The following AGO2 variants were observed in gnomAD, a reference collection of about 807,000 sequenced individuals.
The protein encoded by AGO2 is protein argonaute-2.
AGO2 carries 5 observed loss-of-function variants against 102.3 expected under a neutral mutation model. The observed-to-expected ratio is 0.05, with a 90% CI of 0.03 to 0.10. AGO2 has a LOEUF of 0.10. Among genes scored for constraint, AGO2 ranks in the 10% least tolerant of loss-of-function variants. The pLI is 1.00. For synonymous variants in AGO2, 449 were observed against 473.1 expected (o/e 0.95, Z 0.66); for missense variants, 541 against 1,183.7 (o/e 0.46, Z 7.97).
intron 17 of AGO2, among the ~76,000 whole-genome samples, chr8:140,534,060 C>T (rs993911157): frequency 5.9e-5 from 9 of 152,352 alleles, no homozygotes; most frequent in South Asian, 2.1e-4. Flanking sequence ...TGCTCTGTGT[C>T]TAGCCCTGTG....
At chr8:140,621,871 C>T (rs2074221904) in intron 1 of AGO2, among the ~76,000 whole-genome samples, 1 of 152,164 alleles carries the variant, frequency 6.6e-6, no homozygotes, top group African/African-American at 2.4e-5. Flanking sequence ...CACTGTACAA[C>T]AGCTAAGTGG....
At chr8:140,610,191 G>A (rs1047822044) in intron 1 of AGO2, among the ~76,000 whole-genome samples, 1 of 151,940 alleles carries the variant, frequency 6.6e-6, no homozygotes, top group Admixed American at 6.6e-5. Flanking sequence ...GTGACAGAGC[G>A]AGATCCTGTC....
chr8:140,627,611 G>T (rs758921892), intron 1 of AGO2, among the ~76,000 whole-genome samples: 1 of 152,190 alleles, frequency 6.6e-6, no homozygotes, highest in Non-Finnish European at 1.5e-5. Context: ...GGGCTCCTGA[G>T]TCTGGCTGTT....
intron 16 of AGO2, among the ~76,000 whole-genome samples, chr8:140,538,508 C>T (rs1210012586): frequency 6.6e-6 from 1 of 152,236 alleles, no homozygotes; most frequent in East Asian, 1.9e-4. Flanking sequence ...GTGGAGAATT[C>T]TCAGCTCTTC....
At position 140,629,987 on chromosome 8, in the gene AGO2, G is replaced by T. The variant is rs565935442; in HGVS notation, c.22+5498C>A. 1.6e-3 allele frequency among the ~76,000 whole-genome samples: 240 copies of T among 152,058 alleles called. 3 individuals are homozygous for T. Among genetic ancestry groups the T allele is most frequent in the African/African-American group, 5.5e-3 (228 of 41,474 alleles). ...GTTCCTGATCCAACCCACACAGCCC[G>T]GTTCCTGGCAGACCCAGGGAGGCCT... On this transcript the variant is annotated intron_variant, in intron 1 of 18. Coordinates refer to ENST00000220592, the MANE Select transcript of AGO2 (RefSeq NM_012154.5).
intron 13 of AGO2, among the ~76,000 whole-genome samples, chr8:140,547,012 G>A (rs1260887426): frequency 6.6e-6 from 1 of 152,188 alleles, no homozygotes; most frequent in Non-Finnish European, 1.5e-5. Flanking sequence ...ATCCTGTCCT[G>A]GCCTGGGAGC....
intron 1 of AGO2, among the ~76,000 whole-genome samples, chr8:140,588,888 T>G (rs1416274103): frequency 1.3e-5 from 2 of 152,260 alleles, no homozygotes; most frequent in Non-Finnish European, 2.9e-5. Context: ...CGTGCCGTGT[T>G]CACTGAATCG....
Position 140,547,553 on chromosome 8 carries a change from T to G in AGO2, c.1663A>C (p.Thr555Pro), listed in dbSNP as rs2132898626. 6.2e-7 allele frequency: 1 copy of G among 1,614,160 alleles called. No homozygotes were observed. Among genetic ancestry groups the G allele is most frequent in the Non-Finnish European group, 8.5e-7 (1 of 1,180,006 alleles). ...QCVQMKNVQR[T>P]TPQTLSNLCL... ...AGGTTGGACAGGGTCTGTGGCGTGG[T>G]CCTCTGCACGTTCTTCATCTGCACG... is the stretch of plus-strand genomic sequence containing the variant. Residue 555 changes from threonine (T) to proline (P), a missense_variant, in exon 13 of 19, where the codon ACC becomes CCC. Transcript: ENST00000220592.
At chr8:140,638,030 G>C (rs2074421598), upstream of AGO2, 1 of 152,230 alleles carries the variant, frequency 6.6e-6, no homozygotes, top group Non-Finnish European at 1.5e-5. Flanking sequence ...CTGTGTTTTA[G>C]GATCCTGATG....
intron 1 of AGO2, among the ~76,000 whole-genome samples, chr8:140,630,121 G>A (rs2074324338): frequency 6.6e-6 from 1 of 152,174 alleles, no homozygotes; most frequent in Non-Finnish European, 1.5e-5. Context: ...ACGCCCATCA[G>A]ATTTTCTGAG....
chr8:140,641,723 G>A, the AGO2 span, among the ~76,000 whole-genome samples: 1 of 152,192 alleles, frequency 6.6e-6, no homozygotes, highest in East Asian at 1.9e-4. Context: ...AGCTGGGATT[G>A]CAGGCGTGCA....
At position 140,528,386 on chromosome 8, in the gene AGO2, C is replaced by G. The variant is rs990816742; in HGVS notation, c.*3658G>C. On this transcript the variant is annotated 3_prime_UTR_variant, in exon 19 of 19. Transcript: ENST00000220592. The surrounding 1 kb of genome is among the most constrained non-coding windows in gnomAD (Gnocchi z 4.5). The stretch of plus-strand genomic sequence containing the variant: ...TAACAAATAACAACAACAATAAAAC[C>G]CCCCACCTACTAACCCCACTACAGG... The G allele has an allele frequency of 6.6e-6, 1 of 151,968 alleles. No homozygotes were observed. 9.4% of individuals were successfully genotyped at this position (151,968 alleles called of 1,614,324 possible). A position where few individuals can be genotyped will look rare whatever the true frequency, so the allele number is the denominator to read the frequency against.
chr8:140,558,578 G>A lies in AGO2; in HGVS notation c.791-6C>T, dbSNP rs1195238686. 6.2e-7 allele frequency: 1 copy of A among 1,613,892 alleles called. No individual in the cohort carries two copies. The highest frequency in any genetic ancestry group is 8.5e-7 in the Non-Finnish European group (1 of 1,179,884). ...CGTTATCTCCACCTTTAGACCTGGG[G>A]ACACAGAACACAGGCATCGGCATCG... is the stretch of plus-strand genomic sequence containing the variant. On this transcript the variant is annotated splice_polypyrimidine_tract_variant and splice_region_variant and intron_variant, in intron 6 of 18. Transcript: ENST00000220592.
At chr8:140,587,888 C>A (rs906773609) in intron 1 of AGO2, among the ~76,000 whole-genome samples, 5 of 152,230 alleles carry the variant, frequency 3.3e-5, no homozygotes, top group Non-Finnish European at 5.9e-5. Flanking sequence ...TGCCACCACA[C>A]TGGCATTCAC....
Position 140,587,772 on chromosome 8 carries a change from A to G in AGO2, c.23-2461T>C, listed in dbSNP as rs543614064. Among the ~76,000 whole-genome samples the G allele has an allele frequency of 6.6e-5, 10 of 152,330 alleles. 1 individual carries two copies. The South Asian group carries it at 1.9e-3, about 28-fold the overall frequency. ...TGTCACATTTGACACGGATGGTTCCAAAAGGGAATTCTAACACCACCTAGG... is the reference window on the plus strand; with the variant it reads ...TGTCACATTTGACACGGATGGTTCCGAAAGGGAATTCTAACACCACCTAGG... On this transcript the variant is annotated intron_variant, in intron 1 of 18. Transcript: ENST00000220592.
intron 8 of AGO2, among the ~76,000 whole-genome samples, chr8:140,556,565 C>T (rs980502846): frequency 2.0e-5 from 3 of 152,148 alleles, no homozygotes; most frequent in Admixed American, 6.5e-5. Flanking sequence ...TGTCCTGACA[C>T]CGGCACTTCT....
rs368853975 is a variant in AGO2 at position 140,532,412 on chromosome 8, T to C, written c.2471+4A>G. 96 of 1,610,434 alleles carry C rather than the reference T, an allele frequency of 6.0e-5. No homozygotes were observed. The highest frequency in any genetic ancestry group is 7.4e-5 in the Non-Finnish European group (87 of 1,178,192). On this transcript the variant is annotated splice_donor_region_variant and intron_variant, in intron 18 of 18. Coordinates refer to ENST00000220592, the MANE Select transcript of AGO2 (RefSeq NM_012154.5). ...TGTGACCTCCAGCCAGGCATGCCAC[T>C]CACCTGTCATGTTCCTTATCCACCA...
At chr8:140,554,039 G>C (rs1405274191) in intron 10 of AGO2, among the ~76,000 whole-genome samples, 1 of 152,170 alleles carries the variant, frequency 6.6e-6, no homozygotes, top group Non-Finnish European at 1.5e-5. Flanking sequence ...TGAGATTTTT[G>C]CAACGTTGGC....
At chr8:140,566,911 A>T (rs1362241037) in intron 3 of AGO2, among the ~76,000 whole-genome samples, 1 of 152,346 alleles carries the variant, frequency 6.6e-6, no homozygotes, top group East Asian at 1.9e-4. Context: ...CACGGCGTGC[A>T]AGTGGAGTGA....
Sources: gnomAD v4.1 joint callset for allele counts (sites outside exome capture counted in the v4.1 genomes callset) on GRCh38, gnomAD v4.1.1 for gene constraint, Gnocchi (gnomAD v3.1) non-coding constraint, MANE v1.5 for transcripts, NCBI Gene and HGNC (gene_info 2026-07-23, HGNC 2026-07-21) for gene names.